CGAS: variants seen among roughly 807,000 people sequenced by gnomAD.
CGAS encodes 2'3'-cGAMP synthase.
A neutral mutation model predicts 34.0 loss-of-function variants in CGAS; 31 were observed. That is an observed-to-expected ratio of 0.91 (90% CI 0.69 to 1.23). The LOEUF (loss-of-function observed/expected upper bound fraction) is 1.23. Ranked by LOEUF, CGAS falls within the 50% of genes most tolerant of loss-of-function variation. The probability of loss-of-function intolerance (pLI) is 0.00; values close to 1 mark genes in which losing one functional copy is unlikely to be tolerated. For synonymous variants in CGAS, 266 were observed against 260.0 expected (o/e 1.02, Z -0.22); for missense variants, 597 against 657.6 (o/e 0.91, Z 1.01).
At chr6:73,430,566 G>A (rs968996107) in intron 3 of CGAS, among the ~76,000 whole-genome samples, 12 of 151,910 alleles carry the variant, frequency 7.9e-5, no homozygotes, top group East Asian at 3.9e-4. Flanking sequence ...CCTTGAACCC[G>A]GAATGCCGAG....
rs373701639 is a variant in CGAS at position 73,428,804 on chromosome 6, T to C, written c.1122A>G (p.Thr374=). 154 of 1,609,746 alleles carry C rather than the reference T, an allele frequency of 9.6e-5. No homozygotes were observed. Among genetic ancestry groups the C allele is most frequent in the Middle Eastern group, 1.7e-4 (1 of 6,052 alleles). Residue 374 remains threonine (T), a synonymous_variant, in exon 4 of 5, where the codon ACA becomes ACG. Transcript: ENST00000370315. ...CGATGTGAGAGAAGGATAGCCGCCA[T>C]GTTTCTTCTTAATTTCAAAAAGAAA... is the stretch of plus-strand genomic sequence containing the variant. The part of the protein sequence containing the change: ...AKEGNGFQEE[T]WRLSFSHIEK...
chr6:73,437,377 A>C (rs534384444), intron 3 of CGAS, among the ~76,000 whole-genome samples: 1 of 152,306 alleles, frequency 6.6e-6, no homozygotes, highest in Non-Finnish European at 1.5e-5. Flanking sequence ...GTATCTAAAA[A>C]CAGATAACAT....
In CGAS at chr6:73,425,334, A is replaced by G; in HGVS notation, c.1462T>C (p.Phe488Leu). The part of the protein sequence containing the change: ...EKLENYFIPE[F>L]NLFSSNLIDK... ...ATTAAGTTGCTAGAGAATAGATTGA[A>G]TTCAGGAATAAAATAATTCTCAAGT... The change falls in exon 5 of 5, where the codon TTC (phenylalanine) becomes CTC (leucine). Residue 488 changes from phenylalanine (F) to leucine (L), a missense_variant. Phe to Leu is a conservative substitution (Grantham distance 22, BLOSUM62 0). Coordinates refer to ENST00000370315, the MANE Select transcript of CGAS (RefSeq NM_138441.3). 1 of 1,611,124 alleles carries G rather than the reference A, an allele frequency of 6.2e-7. No homozygotes were observed. Among genetic ancestry groups the G allele is most frequent in the Non-Finnish European group, 8.5e-7 (1 of 1,179,298 alleles).
rs1442223514 is a variant in CGAS, at chr6:73,440,195, A to G, written c.1114+14T>C. 1.3e-6 allele frequency: 2 copies of G among 1,594,908 alleles called. No individual in the cohort carries two copies. The highest frequency in any genetic ancestry group is 1.1e-5 in the South Asian group (1 of 89,122). Reference sequence around the variant, plus strand: ...TCTTTTACTTCTTTAAGTTAACTTTAATATTTAAAATACCTTGGAAACCAT... The same window carrying G: ...TCTTTTACTTCTTTAAGTTAACTTTGATATTTAAAATACCTTGGAAACCAT... On this transcript the variant is annotated intron_variant, in intron 3 of 4. Transcript: ENST00000370315.
intron 3 of CGAS, among the ~76,000 whole-genome samples, chr6:73,436,233 C>T (rs1770277296): frequency 6.6e-6 from 1 of 151,896 alleles, no homozygotes; most frequent in South Asian, 2.1e-4. Context: ...CTATTATTAA[C>T]ATCCCATATT....
intron 3 of CGAS, chr6:73,439,815 T>C (rs946221926): frequency 1.1e-4 from 18 of 165,826 alleles, no homozygotes; most frequent in African/African-American, 4.3e-4. Flanking sequence ...CCAGAATTTT[T>C]CAAGTACTTT....
chr6:73,430,565 C>T (rs917849208), intron 3 of CGAS, among the ~76,000 whole-genome samples: 2 of 151,812 alleles, frequency 1.3e-5, no homozygotes, highest in African/African-American at 4.8e-5. Flanking sequence ...CCCTTGAACC[C>T]GGAATGCCGA....
At chr6:73,445,944 T>C (rs1770461392) in intron 1 of CGAS, among the ~76,000 whole-genome samples, 197 bp from the exon 2 acceptor site, 1 of 152,204 alleles carries the variant, frequency 6.6e-6, no homozygotes, top group African/African-American at 2.4e-5. Context: ...TTGTAGGTTC[T>C]ACACTCAATT....
At chr6:73,429,637 T>C (rs376923277) in intron 3 of CGAS, among the ~76,000 whole-genome samples, 41 of 151,252 alleles carry the variant, frequency 2.7e-4, no homozygotes, top group African/African-American at 4.4e-4. Context: ...CCATCCTGGC[T>C]AACACAGTGA....
intron 3 of CGAS, among the ~76,000 whole-genome samples, chr6:73,430,858 G>A (rs184800165): frequency 7.3e-5 from 11 of 150,896 alleles, no homozygotes; most frequent in Non-Finnish European, 1.3e-4. Flanking sequence ...TCCCAGCACC[G>A]TGGGAGGCCG....
chr6:73,427,139 T>C (rs1196803871), intron 4 of CGAS, among the ~76,000 whole-genome samples: 2 of 150,996 alleles, frequency 1.3e-5, no homozygotes, highest in Non-Finnish European at 3.0e-5. Flanking sequence ...CGTGAGCCAC[T>C]GTGCCTGGCC....
Position 73,452,220 on chromosome 6 carries a change from C to G in CGAS, c.-39G>C. ...TGTTCCCCGAAAGAAGAATCCGTTT[C>G]AGGAAAAGGCCGCAAGAGGAAGAGC... is the stretch of plus-strand genomic sequence containing the variant. On this transcript the variant is annotated 5_prime_UTR_variant, in exon 1 of 5. Transcript: ENST00000370315. 3.2e-6 allele frequency: 5 copies of G among 1,558,760 alleles called. No homozygotes were observed. The highest frequency in any genetic ancestry group is 4.3e-6 in the Non-Finnish European group (5 of 1,153,616).
intron 4 of CGAS, among the ~76,000 whole-genome samples, chr6:73,428,152 A>G (rs1487470310): frequency 1.3e-5 from 2 of 150,854 alleles, no homozygotes; most frequent in Non-Finnish European, 2.9e-5. Flanking sequence ...TGAGCCCAGG[A>G]GATCGAGGCT....
At chr6:73,430,774 A>T (rs1770181653) in intron 3 of CGAS, among the ~76,000 whole-genome samples, 1 of 152,068 alleles carries the variant, frequency 6.6e-6, no homozygotes, top group Non-Finnish European at 1.5e-5. Context: ...AAAAAATGAA[A>T]TTTTGAGAAA....
intron 3 of CGAS, among the ~76,000 whole-genome samples, chr6:73,438,666 G>C (rs900915402): frequency 1.4e-4 from 19 of 139,558 alleles, no homozygotes; most frequent in African/African-American, 4.8e-4. Flanking sequence ...CTGCACTCCA[G>C]CCTGGGCAAC....
At chr6:73,429,842 T>G (rs1386551418) in intron 3 of CGAS, among the ~76,000 whole-genome samples, 1 of 151,790 alleles carries the variant, frequency 6.6e-6, no homozygotes, top group Non-Finnish European at 1.5e-5. Flanking sequence ...AAAAAATTTC[T>G]CCCCGAGTCT....
chr6:73,451,953 T>C lies in CGAS; in HGVS notation c.229A>G (p.Thr77Ala), dbSNP rs1419025132. The C allele has an allele frequency of 6.7e-7, 1 of 1,491,528 alleles. No homozygotes were observed. The allele number at this position is 1,491,528 out of a possible 1,614,324, so 92.4% of individuals were successfully genotyped here. A position where few individuals can be genotyped will look rare whatever the true frequency, so the allele number is the denominator to read the frequency against. The change falls in exon 1 of 5, where the codon ACT (threonine) becomes GCT (alanine). Residue 77 changes from threonine to alanine, a missense_variant. Around this residue, in one of 3 missense-constraint regions of CGAS, gnomAD observed 321 missense variants for 314.3 expected, o/e 1.02. Coordinates refer to ENST00000370315, the MANE Select transcript of CGAS (RefSeq NM_138441.3). ...DTQERPPVRATGARAKKAPQR... is the reference protein window; with the variant it reads ...DTQERPPVRAAGARAKKAPQR... ...GGGGCCTTTTTGGCGCGGGCCCCAG[T>C]TGCGCGGACGGGCGGCCTCTCCTGG...
Position 73,441,593 on chromosome 6 carries a change from T to C in CGAS, c.878-1148A>G, listed in dbSNP as rs138715178. On this transcript the variant is annotated intron_variant, in intron 2 of 4. Transcript: ENST00000370315. ...ATAGAATAAGCAGGAAGAAGAAAGA[T>C]TGGGCCAAGCTGAACTTCATGAGAT... 1.1e-4 allele frequency among the ~76,000 whole-genome samples: 17 copies of C among 152,134 alleles called. 1 individual carries two copies. Among genetic ancestry groups the C allele is most frequent in the African/African-American group, 3.6e-4 (15 of 41,500 alleles).
chr6:73,442,717 A>G (rs916417147), intron 2 of CGAS, among the ~76,000 whole-genome samples: 1 of 149,752 alleles, frequency 6.7e-6, no homozygotes, highest in Non-Finnish European at 1.5e-5. Context: ...TTTTGCCTCA[A>G]CTTCCTGAGT....
Sources: gnomAD v4.1 joint callset for allele counts (sites outside exome capture counted in the v4.1 genomes callset) on GRCh38, gnomAD v4.1.1 for gene constraint, gnomAD v4.1.1 regional missense constraint, MANE v1.5 for transcripts, NCBI Gene and HGNC (gene_info 2026-07-23, HGNC 2026-07-21) for gene names.